The following FLCN variants were observed in gnomAD, a reference collection of about 807,000 sequenced individuals.
FLCN encodes the protein folliculin.
FLCN carries 22 observed loss-of-function variants against 62.5 expected under a neutral mutation model. The ratio of observed to expected loss-of-function variants is 0.35; its 90% confidence interval spans 0.25 to 0.50. The LOEUF is 0.50. Among genes scored for constraint, FLCN ranks in the 20% least tolerant of loss-of-function variants. FLCN has a pLI of 0.97. For missense variants in FLCN, 657 were observed against 778.0 expected (o/e 0.84, Z 1.85); for synonymous variants, 319 against 310.0 (o/e 1.03, Z -0.30).
rs532847715 is a variant in FLCN, at chr17:17,228,505, G to A, written c.-24-344C>T. 118 of 312,576 alleles carry A rather than the reference G, an allele frequency of 3.8e-4. 2 individuals are homozygous for A. In the South Asian group the frequency reaches 4.2e-3, roughly 11 times the overall value. 19.4% of individuals were successfully genotyped at this position (312,576 alleles called of 1,614,324 possible). On this transcript the variant is annotated intron_variant, in intron 3 of 13. Transcript: ENST00000285071. Reference sequence around the variant, plus strand: ...CAGCCAAACCTGGCAAACCCTGTGAGAACAAATAGATAAAAGGCCACAGGG... The same window carrying A: ...CAGCCAAACCTGGCAAACCCTGTGAAAACAAATAGATAAAAGGCCACAGGG...
In FLCN at chr17:17,213,138, T is replaced by C. The variant is rs1252230391; in HGVS notation, c.*517A>G. 3.5e-6 allele frequency: 1 copy of C among 288,234 alleles called. No individual in the cohort carries two copies. Among genetic ancestry groups the C allele is most frequent in the Non-Finnish European group, 6.6e-6 (1 of 150,708 alleles). The allele number at this position is 288,234 out of a possible 1,614,324, so 17.9% of individuals were successfully genotyped here. On this transcript the variant is annotated 3_prime_UTR_variant, in exon 14 of 14. Transcript: ENST00000285071. ...ATCCACTTCACTCCCCAAAGTCTCT[T>C]GCGGAGCCCTAACTCAATCACTCAG...
chr17:17,222,110 G>A (rs2047109137), intron 7 of FLCN, among the ~76,000 whole-genome samples: 1 of 151,810 alleles, frequency 6.6e-6, no homozygotes, highest in African/African-American at 2.4e-5. Flanking sequence ...GCTGAGGCAG[G>A]TGGATCACAT....
rs189869862 is a variant in FLCN, at chr17:17,221,767, C to T, written c.780-139G>A. ...CAGCAGGGCACAACCAGCCAGATCC[C>T]GCATGCAGGCAGTTCCACAAGTCAA... is the stretch of plus-strand genomic sequence containing the variant. On this transcript the variant is annotated intron_variant, in intron 7 of 13. Transcript: ENST00000285071. 740 of 886,800 alleles carry T rather than the reference C, an allele frequency of 8.3e-4. 8 individuals are homozygous for T. The East Asian group carries it at 0.017, about 20-fold the overall frequency. 54.9% of individuals were successfully genotyped at this position (886,800 alleles called of 1,614,324 possible). A position where few individuals can be genotyped will look rare whatever the true frequency, so the allele number is the denominator to read the frequency against.
intron 9 of FLCN, among the ~76,000 whole-genome samples, chr17:17,217,858 T>G (rs548398610): frequency 2.0e-5 from 3 of 152,046 alleles, no homozygotes; most frequent in Non-Finnish European, 2.9e-5. Flanking sequence ...AAACACAACA[T>G]AAGAGAGAGG....
chr17:17,226,106 C>A, intron 5 of FLCN, 70 bp downstream of exon 5: 1 of 1,604,084 alleles, frequency 6.2e-7, no homozygotes, highest in South Asian at 1.1e-5. Flanking sequence ...ATGCTGGCTC[C>A]GAGCCCACCC....
In FLCN at chr17:17,217,161, G is replaced by T; in HGVS notation, c.1084C>A (p.Arg362Ser). The change falls in exon 10 of 14, where the codon CGC becomes AGC. Residue 362 changes from arginine (R) to serine (S), a missense_variant. Arg to Ser is a moderately radical substitution (Grantham distance 110, BLOSUM62 -1). Coordinates refer to ENST00000285071, the MANE Select transcript of FLCN (RefSeq NM_144997.7). ...ATGAGAACGTGCCAGGCCAGCATGC[G>T]GAAAGAAGGGGCACCCAGGACCTAA... ...MRQVLGAPSF[R>S]MLAWHVLMGN... 1 of 1,613,814 alleles carries T rather than the reference G, an allele frequency of 6.2e-7. No individual in the cohort carries two copies. The highest frequency in any genetic ancestry group is 8.5e-7 in the Non-Finnish European group (1 of 1,179,832).
intron 6 of FLCN, among the ~76,000 whole-genome samples, chr17:17,223,321 G>A (rs1296817147): frequency 2.0e-5 from 3 of 152,196 alleles, no homozygotes; most frequent in African/African-American, 7.2e-5. Context: ...TCAAACTCCC[G>A]ACCTCAGGTG....
At chr17:17,232,490 G>A (rs2047454169) in intron 2 of FLCN, among the ~76,000 whole-genome samples, 2 of 152,170 alleles carry the variant, frequency 1.3e-5, no homozygotes, top group African/African-American at 2.4e-5. Context: ...GGGGAAGGCC[G>A]GAGCCAGAGT....
chr17:17,223,890 C>A, intron 6 of FLCN, 32 bp downstream of exon 6: 1 of 1,611,734 alleles, frequency 6.2e-7, no homozygotes, highest in Non-Finnish European at 8.5e-7. Flanking sequence ...GCAGGGCCCC[C>A]TGCCGCCCCG....
At chr17:17,217,501 T>G in intron 9 of FLCN, 3 of 390,990 alleles carry the variant, frequency 7.7e-6, no homozygotes, top group Non-Finnish European at 1.5e-5. Context: ...CACTTTCTGC[T>G]GAACCATTTG....
At chr17:17,218,574 G>C (rs1253296580) in intron 9 of FLCN, among the ~76,000 whole-genome samples, 2 of 151,980 alleles carry the variant, frequency 1.3e-5, no homozygotes, top group Admixed American at 1.3e-4. Context: ...TAGAGATGGG[G>C]TTTCACCATG....
chr17:17,216,371 G>C lies in FLCN; in HGVS notation c.1300+9C>G, dbSNP rs1197783802. 6.2e-7 allele frequency: 1 copy of C among 1,613,222 alleles called. No homozygotes were observed. Among genetic ancestry groups the C allele is most frequent in the Non-Finnish European group, 8.5e-7 (1 of 1,179,618 alleles). On this transcript the variant is annotated intron_variant, in intron 11 of 13. Transcript: ENST00000285071. The surrounding 1 kb of genome is among the most constrained non-coding windows in gnomAD (Gnocchi z 4.0). ...AGGGCATGGCCCCACAGCCCGCGGG[G>C]GCACGCACCTGAGGAGAGCACGTGG...
rs935233380 is a variant in FLCN at position 17,234,203 on chromosome 17, G to T, written c.-227-1302C>A. Among the ~76,000 whole-genome samples, 64 of 130,814 alleles carry T rather than the reference G, an allele frequency of 4.9e-4. 1 individual carries two copies. The South Asian group carries it at 5.1e-3, about 10-fold the overall frequency. The allele number at this position is 130,814 out of a possible 152,430, so 85.8% of individuals were successfully genotyped here. Reference sequence around the variant, plus strand: ...GAGCCAACATGGGCTACACTGTTTTGTTTTTTTTTGGTTTGTTTTTTTTTT... The same window carrying T: ...GAGCCAACATGGGCTACACTGTTTTTTTTTTTTTTGGTTTGTTTTTTTTTT... On this transcript the variant is annotated intron_variant, in intron 1 of 13. Transcript: ENST00000285071.
At chr17:17,215,349 T>G (rs1401058586) in intron 11 of FLCN, 33 bp from the exon 12 acceptor site, 5 of 1,611,834 alleles carry the variant, frequency 3.1e-6, no homozygotes, top group Non-Finnish European at 4.2e-6. Context: ...GCTCCTCATC[T>G]CCCCCATGCT....
At position 17,216,704 on chromosome 17, in the gene FLCN, G is replaced by A. The variant is rs1263994436; in HGVS notation, c.1177-201C>T. Among the ~76,000 whole-genome samples, 3 of 152,164 alleles carry A rather than the reference G, an allele frequency of 2.0e-5. No individual in the cohort carries two copies. The highest frequency in any genetic ancestry group is 3.2e-3 in the Middle Eastern group (1 of 316). ...ACCACCAGGTCCCTAACTCTTGTCTGGACCGCCAGTCACACACCAGCTTGT... is the reference window on the plus strand; with the variant it reads ...ACCACCAGGTCCCTAACTCTTGTCTAGACCGCCAGTCACACACCAGCTTGT... On this transcript the variant is annotated intron_variant, in intron 10 of 13. Transcript: ENST00000285071. This position sits in a 1 kb window ranked among gnomAD's most constrained non-coding sequence, Gnocchi z 4.0.
At chr17:17,226,123 C>T (rs1021154028) in intron 5 of FLCN, 53 bp downstream of exon 5, 2 of 1,612,156 alleles carry the variant, frequency 1.2e-6, no homozygotes, top group Non-Finnish European at 1.7e-6. Context: ...ACCCAGAGCA[C>T]CTGGGAGCAT....
intron 1 of FLCN, among the ~76,000 whole-genome samples, chr17:17,235,270 A>G (rs111864849): frequency 5.9e-5 from 9 of 152,120 alleles, no homozygotes; most frequent in African/African-American, 2.2e-4. Flanking sequence ...ATAAGAGTAA[A>G]ACTCCATTTC....
Position 17,226,286 on chromosome 17 carries a change from T to C in FLCN, c.286A>G (p.Ile96Val). 1.9e-6 allele frequency: 3 copies of C among 1,614,170 alleles called. No individual in the cohort carries two copies. Among genetic ancestry groups the C allele is most frequent in the Non-Finnish European group, 2.5e-6 (3 of 1,180,036 alleles). The change falls in exon 5 of 14, where the codon ATC (isoleucine) becomes GTC (valine). Residue 96 changes from isoleucine (I) to valine (V), a missense_variant. By Grantham distance (29) the Ile-to-Val change is conservative. Coordinates refer to ENST00000285071, the MANE Select transcript of FLCN (RefSeq NM_144997.7). Reference sequence around the variant, plus strand: ...ATGGAGGTCTCTTTATCATGGCTGATATATCCCGGGTGCCCTGCAGCAAGT... The same window carrying C: ...ATGGAGGTCTCTTTATCATGGCTGACATATCCCGGGTGCCCTGCAGCAAGT... ...RSLAAGHPGY[I>V]SHDKETSIKY...
At chr17:17,228,918 G>A (rs957623648) in intron 3 of FLCN, 1 of 152,290 alleles carries the variant, frequency 6.6e-6, no homozygotes, top group African/African-American at 2.4e-5. Flanking sequence ...GATGAGACAT[G>A]AGAAAATGTG....
Sources: gnomAD v4.1 joint callset for allele counts (sites outside exome capture counted in the v4.1 genomes callset) on GRCh38, gnomAD v4.1.1 for gene constraint, Gnocchi (gnomAD v3.1) non-coding constraint, MANE v1.5 for transcripts, NCBI Gene and HGNC (gene_info 2026-07-23, HGNC 2026-07-21) for gene names.